The following IL1RAPL2 variants were observed in gnomAD, a reference collection of about 807,000 sequenced individuals.
IL1RAPL2 encodes interleukin 1 receptor accessory protein like 2.
A neutral mutation model predicts 44.1 loss-of-function variants in IL1RAPL2; 3 were observed. That is an observed-to-expected ratio of 0.07 (90% CI 0.03 to 0.18). The LOEUF (loss-of-function observed/expected upper bound fraction) is 0.18, where lower values mean the gene tolerates loss of function less well. Ranked by LOEUF, IL1RAPL2 falls within the 10% of genes least tolerant of loss-of-function variation. IL1RAPL2 has a pLI of 1.00. For missense variants in IL1RAPL2, 391 were observed against 496.4 expected (o/e 0.79, Z 2.02); for synonymous variants, 181 against 178.8 (o/e 1.01, Z -0.10).
chrX:105,273,516 T>G (rs1392314216), intron 5 of IL1RAPL2, among the ~76,000 whole-genome samples: 7 of 112,066 alleles, frequency 6.2e-5, no homozygotes, highest in Non-Finnish European at 1.9e-5. Context: ...CTTGTTTAAC[T>G]ATAGGTCATA....
At chrX:105,174,944 C>T (rs2033459192) in intron 2 of IL1RAPL2, among the ~76,000 whole-genome samples, 1 of 111,761 alleles carries the variant, frequency 8.9e-6, no homozygotes, top group Non-Finnish European at 1.9e-5. Context: ...AAAGTAGTAG[C>T]GGTTAAGAGA....
intron 5 of IL1RAPL2, among the ~76,000 whole-genome samples, chrX:105,317,865 C>T (rs1334986560): frequency 2.7e-5 from 3 of 111,386 alleles, no homozygotes; most frequent in African/African-American, 9.8e-5. Context: ...GAAACTGAGG[C>T]TTAGTACAGT....
At chrX:105,702,406 G>A (rs1218638162) in intron 6 of IL1RAPL2, among the ~76,000 whole-genome samples, 1 of 109,627 alleles carries the variant, frequency 9.1e-6, no homozygotes, top group Non-Finnish European at 1.9e-5. Context: ...CCTCACACAA[G>A]GCCAGCCAGA....
At chrX:104,839,793 ACTT>A (rs1387763008) in intron 2 of IL1RAPL2, among the ~76,000 whole-genome samples, 6 of 111,316 alleles carry the variant, frequency 5.4e-5, no homozygotes, top group Middle Eastern at 4.7e-3. Context: ...CAGGGATTTG[ACTT>A]CTTCCTGGTT....
At chrX:104,846,783 C>T (rs1922064025) in intron 2 of IL1RAPL2, among the ~76,000 whole-genome samples, 1 of 112,130 alleles carries the variant, frequency 8.9e-6, no homozygotes, top group Non-Finnish European at 1.9e-5. Flanking sequence ...CTGTCTTCCA[C>T]AATGGTTGAA....
chrX:105,207,906 G>T (rs782745869), intron 3 of IL1RAPL2, among the ~76,000 whole-genome samples: 1 of 112,495 alleles, frequency 8.9e-6, no homozygotes, highest in South Asian at 3.7e-4. Flanking sequence ...ATGAGGGAAA[G>T]TGATACGTGC....
chrX:104,670,230 G>T lies in IL1RAPL2; in HGVS notation c.82+11235G>T, dbSNP rs143238500. 2.7e-3 allele frequency among the ~76,000 whole-genome samples: 297 copies of T among 111,476 alleles called. 2 individuals carry two copies. The highest frequency in any genetic ancestry group is 5.1e-3 in the Non-Finnish European group (270 of 53,037). ...TCAGTCTGTGGCTGAAGGCCTGAGA[G>T]CCTCCAGCAAATCACTGGTGTAAGT... On this transcript the variant is annotated intron_variant, in intron 2 of 10. Coordinates refer to ENST00000372582, the MANE Select transcript of IL1RAPL2 (RefSeq NM_017416.2).
At chrX:105,677,260 T>TAAC in intron 6 of IL1RAPL2, among the ~76,000 whole-genome samples, 1 of 112,319 alleles carries the variant, frequency 8.9e-6, no homozygotes, top group South Asian at 3.7e-4. Context: ...TCACTAGTTC[T>TAAC]AACAGTTGCT....
intron 2 of IL1RAPL2, among the ~76,000 whole-genome samples, chrX:104,967,784 C>A (rs952859365): frequency 9.0e-6 from 1 of 111,100 alleles, no homozygotes; most frequent in Non-Finnish European, 1.9e-5. Flanking sequence ...TACCAATATA[C>A]ATGAGAACTT....
chrX:105,268,753 G>A (rs1479528113), intron 5 of IL1RAPL2, among the ~76,000 whole-genome samples: 1 of 111,090 alleles, frequency 9.0e-6, no homozygotes, highest in Non-Finnish European at 1.9e-5. Context: ...AGGCAACAGA[G>A]CAAGACTCTG....
chrX:105,386,415 A>G (rs770795145), intron 5 of IL1RAPL2, among the ~76,000 whole-genome samples: 5 of 111,553 alleles, frequency 4.5e-5, no homozygotes, highest in African/African-American at 1.6e-4. Context: ...TCCACCACTT[A>G]GATTGCAGTG....
chrX:105,232,562 G>A (rs893231562), intron 3 of IL1RAPL2, among the ~76,000 whole-genome samples: 3 of 111,917 alleles, frequency 2.7e-5, no homozygotes, highest in African/African-American at 9.7e-5. Flanking sequence ...GTGTTATCAG[G>A]CTGCTTCTGA....
intron 5 of IL1RAPL2, among the ~76,000 whole-genome samples, chrX:105,409,452 G>T (rs1168174870): frequency 1.8e-5 from 2 of 111,693 alleles, no homozygotes; most frequent in Admixed American, 9.6e-5. Flanking sequence ...CTCTCACAAA[G>T]ATTATACTCT....
chrX:104,710,205 C>T (rs762985426), intron 2 of IL1RAPL2, among the ~76,000 whole-genome samples: 1 of 111,514 alleles, frequency 9.0e-6, no homozygotes, highest in African/African-American at 3.2e-5. Flanking sequence ...AGCAGCACTA[C>T]TTAAAATTGC....
At chrX:105,220,668 C>G (rs1427830192) in intron 3 of IL1RAPL2, 2 of 282,896 alleles carry the variant, frequency 7.1e-6, no homozygotes, top group African/African-American at 2.7e-5. Context: ...AGGAAGATCT[C>G]TCTCCCTCCT....
intron 5 of IL1RAPL2, among the ~76,000 whole-genome samples, chrX:105,387,148 AT>A (rs568965890): frequency 7.5e-4 from 77 of 102,644 alleles, no homozygotes; most frequent in Middle Eastern, 5.0e-3. Context: ...ATGATAAAGA[AT>A]TTTTTTTTTT....
intron 2 of IL1RAPL2, among the ~76,000 whole-genome samples, chrX:104,695,349 A>AAGAGAGAGAG (rs200451049): frequency 1.8e-3 from 187 of 106,014 alleles, no homozygotes; most frequent in Non-Finnish European, 3.3e-3. Flanking sequence ...GAGAGAGAGA[A>AAGAGAGAGAG]AGAGAGAGAG....
At chrX:105,017,521 G>T (rs191360202) in intron 2 of IL1RAPL2, among the ~76,000 whole-genome samples, 12 of 111,363 alleles carry the variant, frequency 1.1e-4, no homozygotes, top group African/African-American at 3.9e-4. Context: ...ACACTTTTAT[G>T]TTTCTGAATT....
chrX:105,102,157 T>C (rs1057046950), intron 2 of IL1RAPL2, among the ~76,000 whole-genome samples: 2 of 111,750 alleles, frequency 1.8e-5, no homozygotes, highest in African/African-American at 6.5e-5. Flanking sequence ...CCCAAGTTTC[T>C]GAGGAGTCAG....
Sources: allele counts gnomAD v4.1 joint callset (sites outside exome capture counted in the v4.1 genomes callset), GRCh38; gene constraint gnomAD v4.1.1; transcripts MANE v1.5; gene names NCBI Gene and HGNC (gene_info 2026-07-23, HGNC 2026-07-21).